CYP19A1: variants seen among roughly 807,000 people sequenced by gnomAD.
The protein encoded by CYP19A1 is aromatase.
In CYP19A1, 32 loss-of-function variants were observed where a neutral mutation model predicts 44.4. The observed-to-expected ratio is 0.72, with a 90% CI of 0.54 to 0.97. The LOEUF (loss-of-function observed/expected upper bound fraction) is 0.97. Ranked by LOEUF, CYP19A1 falls within the 50% of genes least tolerant of loss-of-function variation. The pLI, the probability that CYP19A1 is intolerant of heterozygous loss-of-function variation, is 0.00. For missense variants in CYP19A1, 598 were observed against 637.8 expected (o/e 0.94, Z 0.67); for synonymous variants, 212 against 215.6 (o/e 0.98, Z 0.14).
chr15:51,211,102 T>A lies in CYP19A1; in HGVS notation c.1264-46A>T, dbSNP rs1357889912. On this transcript the variant is annotated intron_variant, in intron 9 of 9. Coordinates refer to ENST00000396402, the MANE Select transcript of CYP19A1 (RefSeq NM_000103.4). The stretch of plus-strand genomic sequence containing the variant: ...TTAGCCAGAATATTAAAGGCTAGAG[T>A]CACTCAGTCTCTGTTTGATTCATTC... 5 of 1,307,622 alleles carry A rather than the reference T, an allele frequency of 3.8e-6. No individual in the cohort carries two copies. In the African/African-American group the frequency reaches 4.4e-5, roughly 11 times the overall value. The allele number at this position is 1,307,622 out of a possible 1,614,324, so 81.0% of individuals were successfully genotyped here.
At chr15:51,315,522 T>C (rs373129821) in intron 1 of CYP19A1, among the ~76,000 whole-genome samples, 3 of 152,330 alleles carry the variant, frequency 2.0e-5, no homozygotes, top group Admixed American at 1.3e-4. Flanking sequence ...GCAAGAACCA[T>C]ATCTGCACAG....
intron 1 of CYP19A1, among the ~76,000 whole-genome samples, chr15:51,297,714 G>A (rs898926990): frequency 2.6e-5 from 4 of 151,922 alleles, no homozygotes; most frequent in African/African-American, 9.7e-5. Flanking sequence ...ACTCTACCTG[G>A]TGTGGGTCCC....
At chr15:51,294,258 A>G (rs1427727905) in intron 1 of CYP19A1, among the ~76,000 whole-genome samples, 23 of 101,548 alleles carry the variant, frequency 2.3e-4, no homozygotes, top group African/African-American at 1.1e-3. Context: ...CATCCCATCT[A>G]GGAAGTGAGG....
intron 1 of CYP19A1, among the ~76,000 whole-genome samples, chr15:51,311,641 G>A (rs186339547): frequency 2.4e-4 from 36 of 152,322 alleles, no homozygotes; most frequent in Non-Finnish European, 1.5e-5. Flanking sequence ...ACCTCTAACA[G>A]GATAAATGTA....
At chr15:51,226,635 A>G (rs1271410465) in intron 4 of CYP19A1, among the ~76,000 whole-genome samples, 1 of 152,204 alleles carries the variant, frequency 6.6e-6, no homozygotes, top group Non-Finnish European at 1.5e-5. Context: ...GAAGGCTGTG[A>G]ATAGACAGGG....
chr15:51,291,335 G>A (rs559581898), intron 1 of CYP19A1, among the ~76,000 whole-genome samples: 42 of 152,206 alleles, frequency 2.8e-4, no homozygotes, highest in African/African-American at 7.0e-4. Context: ...ATGGGCTTGC[G>A]GAGGTGTAGA....
At chr15:51,230,950 CAT>C (rs2032982596) in intron 3 of CYP19A1, among the ~76,000 whole-genome samples, 1 of 152,182 alleles carries the variant, frequency 6.6e-6, no homozygotes, top group Admixed American at 6.5e-5. Flanking sequence ...ACACTTGCCT[CAT>C]GTAGATCTGT....
intron 1 of CYP19A1, among the ~76,000 whole-genome samples, chr15:51,297,356 G>A (rs548586702): frequency 9.9e-5 from 15 of 152,234 alleles, no homozygotes; most frequent in African/African-American, 3.4e-4. Flanking sequence ...CAAGCCAAAC[G>A]ATAGCTGCTT....
At chr15:51,225,305 G>A (rs1001455742) in intron 4 of CYP19A1, among the ~76,000 whole-genome samples, 1 of 152,146 alleles carries the variant, frequency 6.6e-6, no homozygotes, top group African/African-American at 2.4e-5. Flanking sequence ...CAGGGTAGAG[G>A]ATATTGGTAT....
intron 1 of CYP19A1, among the ~76,000 whole-genome samples, chr15:51,320,674 T>A (rs2141021554): frequency 6.6e-6 from 1 of 152,282 alleles, no homozygotes; most frequent in Non-Finnish European, 1.5e-5. Flanking sequence ...CTCAGCCCTG[T>A]TCCTTCCTGT....
chr15:51,336,342 C>A (rs557318145), intron 1 of CYP19A1, among the ~76,000 whole-genome samples: 7 of 152,228 alleles, frequency 4.6e-5, no homozygotes, highest in South Asian at 2.1e-4. Context: ...TAAATGAATA[C>A]ATGAAAGAAT....
chr15:51,265,235 G>A (rs1201985459), intron 1 of CYP19A1, among the ~76,000 whole-genome samples: 3 of 152,326 alleles, frequency 2.0e-5, no homozygotes, highest in East Asian at 3.9e-4. Flanking sequence ...GCTGCGGGCA[G>A]GTCAGACAGC....
intron 1 of CYP19A1, among the ~76,000 whole-genome samples, chr15:51,297,304 A>G (rs1313680569): frequency 6.6e-6 from 1 of 152,124 alleles, no homozygotes; most frequent in Non-Finnish European, 1.5e-5. Flanking sequence ...ACATGCCCCC[A>G]TGCTTAGGTT....
At chr15:51,288,744 T>C (rs2035769892) in intron 1 of CYP19A1, among the ~76,000 whole-genome samples, 1 of 152,228 alleles carries the variant, frequency 6.6e-6, no homozygotes, top group South Asian at 2.1e-4. Flanking sequence ...TGATCTGGGC[T>C]CTGCCTTGCT....
At chr15:51,280,265 T>C (rs574715551) in intron 1 of CYP19A1, among the ~76,000 whole-genome samples, 13 of 152,098 alleles carry the variant, frequency 8.5e-5, no homozygotes, top group African/African-American at 2.9e-4. Context: ...CCGGCTAATT[T>C]TTTTTGTATT....
intron 1 of CYP19A1, among the ~76,000 whole-genome samples, chr15:51,262,625 C>T (rs1402507242): frequency 6.6e-6 from 1 of 152,222 alleles, no homozygotes; most frequent in Non-Finnish European, 1.5e-5. Flanking sequence ...GGCCTCCTCA[C>T]TCCCCCAGTG....
At chr15:51,306,513 CACAGAAAGAACAA>C (rs2036218556) in intron 1 of CYP19A1, among the ~76,000 whole-genome samples, 1 of 151,870 alleles carries the variant, frequency 6.6e-6, no homozygotes. Context: ...ATGTAATTTG[CACAGAAAGAACAA>C]ATAGCTTAAA....
chr15:51,254,947 G>C (rs2034459787), intron 1 of CYP19A1, among the ~76,000 whole-genome samples: 1 of 152,134 alleles, frequency 6.6e-6, no homozygotes. Context: ...TTTCCTGTTA[G>C]TTGGCTAACA....
At chr15:51,326,125 A>G (rs778303652) in intron 1 of CYP19A1, among the ~76,000 whole-genome samples, 1 of 152,220 alleles carries the variant, frequency 6.6e-6, no homozygotes, top group Non-Finnish European at 1.5e-5. Flanking sequence ...TTGAATCATT[A>G]TAAGTCAGAG....
Sources: allele counts gnomAD v4.1 joint callset (sites outside exome capture counted in the v4.1 genomes callset), GRCh38; gene constraint gnomAD v4.1.1; transcripts MANE v1.5; gene names NCBI Gene and HGNC (gene_info 2026-07-23, HGNC 2026-07-21).